The following LRIG1 variants were observed in gnomAD, a reference collection of about 807,000 sequenced individuals.
LRIG1 encodes leucine rich repeats and immunoglobulin like domains 1.
In LRIG1, 48 loss-of-function variants were observed where a neutral mutation model predicts 99.2. The ratio of observed to expected loss-of-function variants is 0.48; its 90% CI spans 0.38 to 0.62. The LOEUF is 0.62. LRIG1 is among the 20% of genes least tolerant of loss of function. The probability of loss-of-function intolerance (pLI) is 0.00; values close to 1 mark genes in which losing one functional copy is unlikely to be tolerated. For missense variants in LRIG1, 1,646 were observed against 1,434.4 expected (o/e 1.15, Z -2.38); for synonymous variants, 772 against 596.1 (o/e 1.29, Z -4.30).
rs55651719 is a variant in LRIG1 at position 66,408,913 on chromosome 3, AGTGTGTGTGTGTGTGT to A, written c.935+1200_935+1215del. Reference sequence around the variant, plus strand: ...GTCACCAAAATATAAACTCCAAGTCAGTGTGTGTGTGTGTGTGTGTGTGTGTGTGTGTGTGTGTGTG... The same window carrying A: ...GTCACCAAAATATAAACTCCAAGTCAGTGTGTGTGTGTGTGTGTGTGTGTG... On this transcript the variant is annotated intron_variant, in intron 7 of 18. Coordinates refer to ENST00000273261, the MANE Select transcript of LRIG1 (RefSeq NM_015541.3). 4.6e-3 allele frequency among the ~76,000 whole-genome samples: 162 copies of A among 34,918 alleles called. 2 individuals are homozygous for A. The highest frequency in any genetic ancestry group is 3.0e-3 in the Non-Finnish European group (60 of 19,708). 22.9% of individuals were successfully genotyped at this position (34,918 alleles called of 152,430 possible). A position where few individuals can be genotyped will look rare whatever the true frequency, so the allele number is the denominator to read the frequency against.
Position 66,382,257 on chromosome 3 carries a change from G to T in LRIG1, c.2617+16C>A. 3 of 1,613,922 alleles carry T rather than the reference G, an allele frequency of 1.9e-6. No homozygotes were observed. The highest frequency in any genetic ancestry group is 2.5e-6 in the Non-Finnish European group (3 of 1,179,854). On this transcript the variant is annotated intron_variant, in intron 16 of 18. Coordinates refer to ENST00000273261, the MANE Select transcript of LRIG1 (RefSeq NM_015541.3). ...AGTCACAGCAGAGCTCTGCTTCACA[G>T]TTACTGAGGCCTTACCATTGCTCTC... is the stretch of plus-strand genomic sequence containing the variant.
At chr3:66,453,853 G>C (rs1216113371) in intron 2 of LRIG1, among the ~76,000 whole-genome samples, 2 of 152,226 alleles carry the variant, frequency 1.3e-5, no homozygotes, top group African/African-American at 2.4e-5. Context: ...TCTGCAGGGG[G>C]CTACGCCTGA....
In LRIG1 at chr3:66,500,305, C is replaced by T; in HGVS notation, c.103G>A (p.Ala35Thr). 6.8e-7 allele frequency: 1 copy of T among 1,474,758 alleles called. No homozygotes were observed. 91.4% of individuals were successfully genotyped at this position (1,474,758 alleles called of 1,614,324 possible). A position where few individuals can be genotyped will look rare whatever the true frequency, so the allele number is the denominator to read the frequency against. The change falls in exon 1 of 19, where the codon GCC (alanine) becomes ACC (threonine). Residue 35 changes from alanine (A) to threonine (T), a missense_variant. Physicochemically the swap from Ala to Thr is moderately conservative, Grantham distance 58. Coordinates refer to ENST00000273261, the MANE Select transcript of LRIG1 (RefSeq NM_015541.3). ...LLRLEPVTAA[A>T]GPRAPCAAAC... ...GCCGCGCAGGGCGCCCGCGGGCCGG[C>T]CGCGGCGGTCACCGGCTCCAGCCGA...
chr3:66,468,416 G>A lies in LRIG1; in HGVS notation c.219-5907C>T, dbSNP rs76227718. ...AGTGGAAGGAATTGGTCCTAAATCC[G>A]TGACAAGCATTCCCTGAAGAATGAG... On this transcript the variant is annotated intron_variant, in intron 1 of 18. Coordinates refer to ENST00000273261, the MANE Select transcript of LRIG1 (RefSeq NM_015541.3). Among the ~76,000 whole-genome samples, 987 of 152,294 alleles carry A rather than the reference G, an allele frequency of 6.5e-3. 14 individuals are homozygous for A. The highest frequency in any genetic ancestry group is 0.022 in the African/African-American group (933 of 41,546).
intron 13 of LRIG1, 74 bp from the exon 14 acceptor site, chr3:66,384,346 C>G: frequency 6.8e-7 from 1 of 1,474,914 alleles, no homozygotes; most frequent in Non-Finnish European, 9.3e-7. Context: ...CTGGCAAACA[C>G]CTACCTGTCA....
In LRIG1 at chr3:66,383,139, C is replaced by G; in HGVS notation, c.2334G>C (p.Leu778=). 6.2e-7 allele frequency: 1 copy of G among 1,614,248 alleles called. No homozygotes were observed. The highest frequency in any genetic ancestry group is 1.1e-5 in the South Asian group (1 of 91,084). ...TGCAGCCTGCTGCGGGCAGGACGCT[C>G]AGCTGGCTGTGAGCTCGCTCCGTGC... ...TLGTERAHSQ[L]SVLPAAGCRK... Residue 778 remains leucine (L), a synonymous_variant, in exon 15 of 19, where the codon CTG becomes CTC. Transcript: ENST00000273261.
chr3:66,498,123 C>T (rs1701270228), intron 1 of LRIG1: 1 of 152,166 alleles, frequency 6.6e-6, no homozygotes, highest in East Asian at 1.9e-4. Flanking sequence ...TTTTGCACTG[C>T]ATACTGTGTT....
In LRIG1 at chr3:66,381,733, A is replaced by T. The variant is rs1005335302; in HGVS notation, c.2618-102T>A. ...GGCCGCTAGAACAGTCATTTTTTTTAAAAAGTTCTTCAGAGCGGTGGGGCT... is the reference window on the plus strand; with the variant it reads ...GGCCGCTAGAACAGTCATTTTTTTTTAAAAGTTCTTCAGAGCGGTGGGGCT... On this transcript the variant is annotated intron_variant, in intron 16 of 18. Coordinates refer to ENST00000273261, the MANE Select transcript of LRIG1 (RefSeq NM_015541.3). 72 of 1,350,044 alleles carry T rather than the reference A, an allele frequency of 5.3e-5. 1 individual carries two copies. The highest frequency in any genetic ancestry group is 1.4e-4 in the East Asian group (6 of 42,774). 83.6% of individuals were successfully genotyped at this position (1,350,044 alleles called of 1,614,324 possible).
intron 1 of LRIG1, among the ~76,000 whole-genome samples, chr3:66,463,343 G>C (rs1700399716): frequency 1.3e-5 from 2 of 152,172 alleles, no homozygotes; most frequent in South Asian, 4.1e-4. Context: ...AGGAGAAAAG[G>C]GCCAGTTGCT....
chr3:66,399,958 CGA>C (rs1298732437), intron 9 of LRIG1, among the ~76,000 whole-genome samples: 1 of 152,226 alleles, frequency 6.6e-6, no homozygotes, highest in Non-Finnish European at 1.5e-5. Context: ...TCCCTGCCTA[CGA>C]GAGGGACCCC....
In LRIG1 at chr3:66,380,506, A is replaced by G. The variant is rs772364774; in HGVS notation, c.3056-17T>C. On this transcript the variant is annotated splice_polypyrimidine_tract_variant and intron_variant, in intron 18 of 18. Coordinates refer to ENST00000273261, the MANE Select transcript of LRIG1 (RefSeq NM_015541.3). Reference sequence around the variant, plus strand: ...AAGAATCCCCTACAAGGAAAGAACGAACCTGTCAGACCCCCACTTGACCGT... The same window carrying G: ...AAGAATCCCCTACAAGGAAAGAACGGACCTGTCAGACCCCCACTTGACCGT... The G allele has an allele frequency of 6.2e-7, 1 of 1,614,044 alleles. No individual in the cohort carries two copies.
Position 66,383,998 on chromosome 3 carries a change from A to G in LRIG1, c.2064T>C (p.Thr688=). 6.2e-7 allele frequency: 1 copy of G among 1,612,642 alleles called. No individual in the cohort carries two copies. Among genetic ancestry groups the G allele is most frequent in the Non-Finnish European group, 8.5e-7 (1 of 1,179,238 alleles). ...GTAGAGCAATAGGCAAACCTAGGAC[A>G]GTCAGGGTGGCATTAGCTGAAATAG... ...AGSISANATL[T]VLETPSLVVP... Residue 688 remains threonine, a synonymous_variant, in exon 14 of 19, where the codon ACT becomes ACC. Coordinates refer to ENST00000273261, the MANE Select transcript of LRIG1 (RefSeq NM_015541.3).
chr3:66,436,084 G>A (rs575422990), intron 3 of LRIG1, among the ~76,000 whole-genome samples: 1 of 152,358 alleles, frequency 6.6e-6, no homozygotes, highest in Admixed American at 6.5e-5. Context: ...GGAAAGGGCT[G>A]AGGGCTGGGA....
chr3:66,387,322 G>A (rs77107653), intron 12 of LRIG1: 63 of 152,194 alleles, frequency 4.1e-4, no homozygotes, highest in African/African-American at 1.4e-3. Context: ...CAGGAAAGAC[G>A]TGAGGGGGTC....
At chr3:66,463,689 T>C (rs1321275112) in intron 1 of LRIG1, among the ~76,000 whole-genome samples, 4 of 152,236 alleles carry the variant, frequency 2.6e-5, no homozygotes, top group African/African-American at 9.6e-5. Context: ...ATCTCAGCTA[T>C]TAATTCCACT....
chr3:66,460,767 T>C (rs1008614538), intron 2 of LRIG1, among the ~76,000 whole-genome samples: 2 of 152,210 alleles, frequency 1.3e-5, no homozygotes, highest in Admixed American at 6.5e-5. Flanking sequence ...TCAAACTTCC[T>C]TTCCCCTGCC....
chr3:66,460,027 T>TA (rs1461101315), intron 2 of LRIG1, among the ~76,000 whole-genome samples: 1 of 152,136 alleles, frequency 6.6e-6, no homozygotes, highest in Admixed American at 6.5e-5. Flanking sequence ...TGTATCAAAA[T>TA]ACCCTTTATC....
chr3:66,429,330 T>C (rs1703082803), intron 3 of LRIG1, among the ~76,000 whole-genome samples: 1 of 152,134 alleles, frequency 6.6e-6, no homozygotes, highest in African/African-American at 2.4e-5. Context: ...TTCTGTGAAG[T>C]CTAGAGTGAC....
At chr3:66,473,732 C>T (rs932016684) in intron 1 of LRIG1, among the ~76,000 whole-genome samples, 22 of 152,224 alleles carry the variant, frequency 1.4e-4, no homozygotes, top group African/African-American at 4.8e-4. Flanking sequence ...CAGGGAGGCA[C>T]GCGACTATCT....
Sources: gnomAD v4.1 joint callset for allele counts (sites outside exome capture counted in the v4.1 genomes callset) on GRCh38, gnomAD v4.1.1 for gene constraint, MANE v1.5 for transcripts, NCBI Gene and HGNC (gene_info 2026-07-23, HGNC 2026-07-21) for gene names.